CNTLN: variants seen among roughly 807,000 people sequenced by gnomAD.
CNTLN encodes the protein centlein, centrosomal protein.
A neutral mutation model predicts 180.0 loss-of-function variants in CNTLN; 212 were observed. The observed-to-expected ratio is 1.18, with a 90% CI of 1.05 to 1.32. The LOEUF (loss-of-function observed/expected upper bound fraction) is 1.32, where lower values mean the gene tolerates loss of function less well. Ranked by LOEUF, CNTLN falls within the 40% of genes most tolerant of loss-of-function variation. The pLI, the probability that CNTLN is intolerant of heterozygous loss-of-function variation, is 0.00. For synonymous variants in CNTLN, 722 were observed against 563.1 expected, an observed-to-expected ratio of 1.28 and a Z score of -3.99; for missense variants, 2,095 against 1,610.9, an observed-to-expected ratio of 1.30 and a Z score of -5.14.
intron 3 of CNTLN, among the ~76,000 whole-genome samples, chr9:17,233,942 G>A (rs1364202346): frequency 6.6e-6 from 1 of 152,036 alleles, no homozygotes; most frequent in Non-Finnish European, 1.5e-5. Flanking sequence ...GGAATAAGAG[G>A]TACTAGAGGA....
intron 18 of CNTLN, among the ~76,000 whole-genome samples, chr9:17,418,586 C>T (rs11999344): frequency 0.017 from 2,655 of 152,032 alleles, 76 homozygotes; most frequent in African/African-American, 0.061. Context: ...TTAAGTTCAG[C>T]CTTTCTTTTC....
intron 8 of CNTLN, among the ~76,000 whole-genome samples, chr9:17,322,899 AAC>A (rs1187527235): frequency 1.3e-5 from 2 of 152,234 alleles, no homozygotes; most frequent in Non-Finnish European, 2.9e-5. Flanking sequence ...AAAATAATAC[AAC>A]ACAAGCTTTT....
intron 18 of CNTLN, among the ~76,000 whole-genome samples, chr9:17,437,821 G>C (rs1483204290): frequency 1.3e-5 from 2 of 152,176 alleles, no homozygotes; most frequent in Non-Finnish European, 2.9e-5. Context: ...ATGTATATGT[G>C]TGTGTGTGTA....
intron 23 of CNTLN, among the ~76,000 whole-genome samples, chr9:17,483,470 T>C (rs1245144226): frequency 6.6e-6 from 1 of 152,216 alleles, no homozygotes; most frequent in Non-Finnish European, 1.5e-5. Flanking sequence ...CCATATATCC[T>C]GGAGATGCAA....
chr9:17,147,874 T>A (rs890941776), intron 2 of CNTLN, among the ~76,000 whole-genome samples: 1 of 152,214 alleles, frequency 6.6e-6, no homozygotes, highest in Non-Finnish European at 1.5e-5. Context: ...CCCTGTATTA[T>A]TGGTTTCAAC....
At chr9:17,151,028 A>C (rs71416656) in intron 2 of CNTLN, among the ~76,000 whole-genome samples, 1 of 152,168 alleles carries the variant, frequency 6.6e-6, no homozygotes, top group African/African-American at 2.4e-5. Flanking sequence ...GTTGCTTATC[A>C]GCTTAAGGAG....
downstream of CNTLN, among the ~76,000 whole-genome samples, chr9:17,508,297 G>C (rs1301681232): frequency 6.6e-6 from 1 of 152,112 alleles, no homozygotes; most frequent in East Asian, 1.9e-4. Flanking sequence ...AAAATAGTAA[G>C]CAGAGTTTTT....
intron 2 of CNTLN, among the ~76,000 whole-genome samples, chr9:17,155,440 G>A (rs1819208698): frequency 6.6e-6 from 1 of 152,198 alleles, no homozygotes; most frequent in African/African-American, 2.4e-5. Context: ...TGGGGCTGCT[G>A]CCTTTTTTAT....
At chr9:17,484,263 T>A in intron 23 of CNTLN, 32 bp from the exon 24 acceptor site, 1 of 1,532,160 alleles carries the variant, frequency 6.5e-7, no homozygotes, top group Non-Finnish European at 8.8e-7. Context: ...ATGACTTTAA[T>A]ATAAGCTCAA....
chr9:17,429,422 T>C (rs1389246347), intron 18 of CNTLN, among the ~76,000 whole-genome samples: 1 of 152,076 alleles, frequency 6.6e-6, no homozygotes, highest in African/African-American at 2.4e-5. Flanking sequence ...GGAACATTCT[T>C]CAATTAATCA....
rs939728621 is a variant in CNTLN at position 17,143,177 on chromosome 9, T to C, written c.361-111T>C. The C allele has an allele frequency of 4.3e-6, 3 of 704,084 alleles. No individual in the cohort carries two copies. The Admixed American group carries it at 7.3e-5, about 17-fold the overall frequency. The allele number at this position is 704,084 out of a possible 1,614,324, so 43.6% of individuals were successfully genotyped here. ...CTTTAAAGAGAATCAGTTGATGTAG[T>C]TATACAACTAGGGATCAAGTAATTG... is the stretch of plus-strand genomic sequence containing the variant. On this transcript the variant is annotated intron_variant, in intron 1 of 25. Coordinates refer to ENST00000380647, the MANE Select transcript of CNTLN (RefSeq NM_017738.4).
chr9:17,380,435 A>C (rs1167090952), intron 13 of CNTLN, among the ~76,000 whole-genome samples: 1 of 152,312 alleles, frequency 6.6e-6, no homozygotes, highest in East Asian at 1.9e-4. Context: ...AGAGATACAG[A>C]TACGTGTGTA....
intron 15 of CNTLN, among the ~76,000 whole-genome samples, chr9:17,400,148 A>T (rs182180736): frequency 3.4e-4 from 52 of 151,950 alleles, no homozygotes; most frequent in South Asian, 1.3e-3. Context: ...TTATTTATTT[A>T]TTTTTTTGAG....
chr9:17,308,636 C>T (rs780426483), intron 7 of CNTLN, among the ~76,000 whole-genome samples: 1 of 151,748 alleles, frequency 6.6e-6, no homozygotes, highest in Non-Finnish European at 1.5e-5. Flanking sequence ...CACATTTCTT[C>T]TATCTTTAGA....
At chr9:17,154,940 T>C (rs1819162628) in intron 2 of CNTLN, among the ~76,000 whole-genome samples, 1 of 152,178 alleles carries the variant, frequency 6.6e-6, no homozygotes, top group African/African-American at 2.4e-5. Flanking sequence ...ACTCTTTGGG[T>C]CCGCACTACC....
chr9:17,270,059 G>T (rs574152364), intron 5 of CNTLN, among the ~76,000 whole-genome samples: 3 of 151,694 alleles, frequency 2.0e-5, no homozygotes, highest in Non-Finnish European at 4.4e-5. Context: ...TGTTTTTTTG[G>T]TGGAAGATCA....
intron 2 of CNTLN, among the ~76,000 whole-genome samples, chr9:17,191,384 C>T (rs890077745): frequency 1.3e-5 from 2 of 152,204 alleles, no homozygotes; most frequent in East Asian, 3.8e-4. Flanking sequence ...CAATAGATGT[C>T]AAGTATTGCT....
intron 12 of CNTLN, among the ~76,000 whole-genome samples, chr9:17,351,454 G>T (rs867100217): frequency 6.6e-6 from 1 of 152,064 alleles, no homozygotes; most frequent in Non-Finnish European, 1.5e-5. Flanking sequence ...CCAAATTCAC[G>T]ATCTCCAAAT....
intron 18 of CNTLN, among the ~76,000 whole-genome samples, chr9:17,423,251 G>C (rs1204045683): frequency 1.3e-5 from 2 of 152,140 alleles, no homozygotes; most frequent in African/African-American, 4.8e-5. Flanking sequence ...TGAGGTCCAA[G>C]GGCTCTTTAG....
Sources: gnomAD v4.1 joint callset for allele counts (sites outside exome capture counted in the v4.1 genomes callset) on GRCh38, gnomAD v4.1.1 for gene constraint, MANE v1.5 for transcripts, NCBI Gene and HGNC (gene_info 2026-07-23, HGNC 2026-07-21) for gene names.